The following KCNIP1 variants were observed in gnomAD, a reference collection of about 807,000 sequenced individuals.
KCNIP1 encodes the protein A-type potassium channel modulatory protein KCNIP1.
Under a neutral mutation model 33.0 loss-of-function variants are expected in KCNIP1, and 18 were observed. The observed-to-expected ratio is 0.55, with a 90% CI of 0.38 to 0.81. KCNIP1 has a LOEUF of 0.81. Among genes scored for constraint, KCNIP1 ranks in the 30% least tolerant of loss-of-function variants. KCNIP1 has a pLI of 0.00. For synonymous variants in KCNIP1, 93 were observed against 98.3 expected (o/e 0.95, Z 0.32); for missense variants, 238 against 271.6 (o/e 0.88, Z 0.87).
chr5:170,378,136 G>A (rs1764081890), intron 1 of KCNIP1: 1 of 152,234 alleles, frequency 6.6e-6, no homozygotes, highest in African/African-American at 2.4e-5. Context: ...AAATTTTGAT[G>A]AGTTCTCATG....
At chr5:170,694,477 G>C (rs1470830957) in intron 1 of KCNIP1, among the ~76,000 whole-genome samples, 1 of 152,072 alleles carries the variant, frequency 6.6e-6, no homozygotes, top group Non-Finnish European at 1.5e-5. Context: ...TGAGGAGATG[G>C]TCTCTGTCAC....
At chr5:170,537,891 C>G (rs1420524903) in intron 1 of KCNIP1, among the ~76,000 whole-genome samples, 3 of 152,226 alleles carry the variant, frequency 2.0e-5, no homozygotes, top group African/African-American at 7.2e-5. Context: ...ATTCCCCAAT[C>G]TGAGGGTGCC....
At chr5:170,681,233 T>C (rs764733684) in intron 1 of KCNIP1, 4 of 398,634 alleles carry the variant, frequency 1.0e-5, no homozygotes, top group Non-Finnish European at 1.3e-5. Context: ...GTGGCTTCGG[T>C]TGCTGTGACA....
intron 1 of KCNIP1, among the ~76,000 whole-genome samples, chr5:170,400,247 G>A (rs1050446255): frequency 1.3e-5 from 2 of 152,150 alleles, no homozygotes; most frequent in Non-Finnish European, 2.9e-5. Flanking sequence ...AGCACCAGAG[G>A]TTTAATTGAC....
chr5:170,444,771 C>T (rs1020383093), intron 1 of KCNIP1, among the ~76,000 whole-genome samples: 1 of 150,874 alleles, frequency 6.6e-6, no homozygotes, highest in South Asian at 2.1e-4. Flanking sequence ...CTGAGAAGAT[C>T]TGCGGGCAAG....
At chr5:170,367,419 AAGGAAAGAAAG>A (rs2113300506) in intron 1 of KCNIP1, among the ~76,000 whole-genome samples, 1 of 108,742 alleles carries the variant, frequency 9.2e-6, no homozygotes, top group East Asian at 2.5e-4. Context: ...GAAAGAAAGA[AAGGAAAGAAAG>A]AAAGAAAGGA....
chr5:170,720,477 TTGCTTCCTTCTCGAGGAAGAGACAAA>T, intron 3 of KCNIP1, 87 bp downstream of exon 3: 2 of 1,063,914 alleles, frequency 1.9e-6, no homozygotes, highest in Non-Finnish European at 2.9e-6. Context: ...TCCTTGCCAT[TTGCTTCCTTCTCGAGGAAGAGACAAA>T]CTCAGGGCAG....
intron 1 of KCNIP1, among the ~76,000 whole-genome samples, chr5:170,379,715 G>A (rs753322955): frequency 1.3e-5 from 2 of 152,262 alleles, no homozygotes; most frequent in Admixed American, 6.5e-5. Flanking sequence ...TTGGGAAGCC[G>A]AAGGGGAAGG....
chr5:170,440,770 C>G (rs1011845005), intron 1 of KCNIP1, among the ~76,000 whole-genome samples: 4 of 152,182 alleles, frequency 2.6e-5, no homozygotes, highest in African/African-American at 7.2e-5. Flanking sequence ...ATAGCACCTA[C>G]CTCCAGGGAG....
intron 7 of KCNIP1, among the ~76,000 whole-genome samples, chr5:170,734,943 C>A (rs959219299): frequency 3.3e-5 from 5 of 152,188 alleles, no homozygotes; most frequent in African/African-American, 1.2e-4. Flanking sequence ...ACCTTGATTC[C>A]TCTCCCACCA....
At chr5:170,622,820 C>G (rs1379064857) in intron 1 of KCNIP1, among the ~76,000 whole-genome samples, 1 of 152,112 alleles carries the variant, frequency 6.6e-6, no homozygotes, top group Non-Finnish European at 1.5e-5. Flanking sequence ...AGACTCCCAG[C>G]CTCCAGAGCT....
intron 1 of KCNIP1, among the ~76,000 whole-genome samples, chr5:170,573,271 G>A (rs1261258410): frequency 1.3e-5 from 2 of 152,210 alleles, no homozygotes. Context: ...AGTTGGGAAA[G>A]GTGATGCTCT....
chr5:170,494,510 T>C (rs1757272436), intron 1 of KCNIP1, among the ~76,000 whole-genome samples: 1 of 152,138 alleles, frequency 6.6e-6, no homozygotes, highest in African/African-American at 2.4e-5. Context: ...GGAGGAAAGG[T>C]GGTGCTCTTG....
At chr5:170,575,465 T>C (rs1282656997) in intron 1 of KCNIP1, among the ~76,000 whole-genome samples, 1 of 152,238 alleles carries the variant, frequency 6.6e-6, no homozygotes, top group East Asian at 1.9e-4. Context: ...CTCAGTTACA[T>C]AGGGAAGTTC....
intron 1 of KCNIP1, among the ~76,000 whole-genome samples, chr5:170,622,972 C>A (rs1232975404): frequency 1.3e-5 from 2 of 152,224 alleles, no homozygotes; most frequent in Admixed American, 1.3e-4. Context: ...GAAACTGTTC[C>A]GCCTCTGATC....
chr5:170,627,669 C>G (rs1484040491), intron 1 of KCNIP1, among the ~76,000 whole-genome samples: 1 of 152,246 alleles, frequency 6.6e-6, no homozygotes, highest in African/African-American at 2.4e-5. Context: ...ACAGCCCTTG[C>G]AAGATCTGTT....
intron 1 of KCNIP1, among the ~76,000 whole-genome samples, chr5:170,563,390 G>A: frequency 6.6e-6 from 1 of 152,198 alleles, no homozygotes; most frequent in South Asian, 2.1e-4. Context: ...CCTCATGCCA[G>A]TTTTATAACA....
At position 170,718,759 on chromosome 5, in the gene KCNIP1, T is replaced by A; in HGVS notation, c.63T>A (p.Asp21Glu). 1.2e-6 allele frequency: 2 copies of A among 1,613,628 alleles called. No homozygotes were observed. Among genetic ancestry groups the A allele is most frequent in the Non-Finnish European group, 1.7e-6 (2 of 1,179,802 alleles). Residue 21 changes from aspartate to glutamate, a missense_variant and splice_region_variant, in exon 2 of 8, where the codon GAT (aspartate) becomes GAA (glutamate). By Grantham distance (45) the Asp-to-Glu change is conservative. Coordinates refer to ENST00000328939, the MANE Select transcript of KCNIP1 (RefSeq NM_014592.4). ...CAATGCCATCTCCTCTGGTTCCAGA[T>A]AAGATTGAAGATGAGCTGGAGATGA... The part of the protein sequence containing the change: ...LQTKQRRPSK[D>E]KIEDELEMTM...
chr5:170,587,446 A>C (rs925023758), intron 1 of KCNIP1, among the ~76,000 whole-genome samples: 3 of 144,738 alleles, frequency 2.1e-5, no homozygotes, highest in African/African-American at 7.7e-5. Flanking sequence ...AAAAAAAAAA[A>C]GCTAATATAA....
Sources: allele counts gnomAD v4.1 joint callset (sites outside exome capture counted in the v4.1 genomes callset), GRCh38; gene constraint gnomAD v4.1.1; transcripts MANE v1.5; gene names NCBI Gene and HGNC (gene_info 2026-07-23, HGNC 2026-07-21).